Variants in LRP1B observed in about 807,000 individuals in gnomAD.
The protein encoded by LRP1B is low-density lipoprotein receptor-related protein 1B.
Under a neutral mutation model 556.6 loss-of-function variants are expected in LRP1B, and 217 were observed. The ratio of observed to expected loss-of-function variants is 0.39; its 90% CI spans 0.35 to 0.44. LRP1B has a LOEUF of 0.44. Ranked by LOEUF, LRP1B falls within the 20% of genes least tolerant of loss-of-function variation. The pLI is 1.00. For missense variants in LRP1B, 5,053 were observed against 5,620.8 expected, an observed-to-expected ratio of 0.90 and a Z score of 3.23; for synonymous variants, 2,047 against 1,865.8, an observed-to-expected ratio of 1.10 and a Z score of -2.50.
chr2:141,741,498 T>C (rs1442379069), intron 2 of LRP1B, among the ~76,000 whole-genome samples: 1 of 134,882 alleles, frequency 7.4e-6, no homozygotes, highest in Non-Finnish European at 1.6e-5. Context: ...GCATTTTAAC[T>C]GGTGAGATAT....
Position 140,561,305 on chromosome 2 carries a change from T to G in LRP1B, c.7195-19334A>C, listed in dbSNP as rs570833832. ...TCCTGCCCCATACCGACACACAGAA[T>G]CCAAAAAGAATCTGACCACACAGGC... On this transcript the variant is annotated intron_variant, in intron 43 of 90. Transcript: ENST00000389484. 7.7e-4 allele frequency among the ~76,000 whole-genome samples: 117 copies of G among 152,216 alleles called. 1 individual carries two copies. Among genetic ancestry groups the G allele is most frequent in the Middle Eastern group, 3.4e-3 (1 of 294 alleles).
At chr2:141,358,037 C>T (rs1052016596) in intron 3 of LRP1B, among the ~76,000 whole-genome samples, 2 of 152,156 alleles carry the variant, frequency 1.3e-5, no homozygotes, top group African/African-American at 4.8e-5. Flanking sequence ...GTGATTTCTC[C>T]TATTCAGAAT....
chr2:141,177,000 T>C (rs1286233493), intron 7 of LRP1B, among the ~76,000 whole-genome samples: 1 of 152,150 alleles, frequency 6.6e-6, no homozygotes, highest in African/African-American at 2.4e-5. Context: ...TGGCTATTTG[T>C]AAGACAGAGA....
At chr2:140,309,564 CA>C (rs1684208199) in intron 83 of LRP1B, among the ~76,000 whole-genome samples, 1 of 151,702 alleles carries the variant, frequency 6.6e-6, no homozygotes, top group African/African-American at 2.4e-5. Context: ...TATTCTCTCA[CA>C]GGTATCTTAT....
At chr2:140,802,967 C>T (rs1024890428) in intron 32 of LRP1B, among the ~76,000 whole-genome samples, 3 of 152,152 alleles carry the variant, frequency 2.0e-5, no homozygotes, top group African/African-American at 4.8e-5. Context: ...CTTACATTCA[C>T]GTGCTTACAA....
intron 41 of LRP1B, among the ~76,000 whole-genome samples, chr2:140,655,946 AAAAAC>A (rs1684866526): frequency 6.6e-6 from 1 of 152,130 alleles, no homozygotes; most frequent in Admixed American, 6.5e-5. Flanking sequence ...CCGTCTCAAA[AAAAAC>A]AAAAAAAGAA....
At chr2:140,854,060 T>TTAAAAAAAAAAA (rs1559157728) in intron 27 of LRP1B, among the ~76,000 whole-genome samples, 1 of 108,822 alleles carries the variant, frequency 9.2e-6, no homozygotes, top group Admixed American at 9.7e-5. Context: ...CATATCTGAA[T>TTAAAAAAAAAAA]AAAAAAAAAA....
At position 140,343,926 on chromosome 2, in the gene LRP1B, G is replaced by A. The variant is rs144236894; in HGVS notation, c.11892+6871C>T. ...AGTTGCCTGGTGATGGGAGAGAAGT[G>A]GGCAGGGTCTGGGGGAATAGATTAC... On this transcript the variant is annotated intron_variant, in intron 77 of 90. Transcript: ENST00000389484. 2.5e-3 allele frequency among the ~76,000 whole-genome samples: 372 copies of A among 151,716 alleles called. 2 individuals are homozygous for A. The highest frequency in any genetic ancestry group is 8.7e-3 in the African/African-American group (360 of 41,466).
At chr2:141,232,832 A>T (rs1182669277) in intron 5 of LRP1B, among the ~76,000 whole-genome samples, 1 of 147,664 alleles carries the variant, frequency 6.8e-6, no homozygotes, top group Non-Finnish European at 1.5e-5. Flanking sequence ...ACTGTGGTTT[A>T]CCTCTTTAGA....
At chr2:140,764,804 T>G (rs990129959) in intron 35 of LRP1B, among the ~76,000 whole-genome samples, 7 of 152,156 alleles carry the variant, frequency 4.6e-5, no homozygotes, top group African/African-American at 1.4e-4. Context: ...TATTAGCATC[T>G]ATCGTTAACA....
intron 66 of LRP1B, among the ~76,000 whole-genome samples, chr2:140,399,129 T>G (rs1288138473): frequency 6.9e-6 from 1 of 144,706 alleles, no homozygotes; most frequent in East Asian, 1.9e-4. Context: ...GATCTAAAAC[T>G]TAGTGCCTTA....
intron 7 of LRP1B, among the ~76,000 whole-genome samples, chr2:141,135,175 G>C (rs926560023): frequency 2.6e-5 from 4 of 151,694 alleles, no homozygotes; most frequent in Admixed American, 2.0e-4. Flanking sequence ...AATACTTTTA[G>C]TAAAAAATTC....
At chr2:140,728,194 C>T (rs992119885) in intron 35 of LRP1B, among the ~76,000 whole-genome samples, 2 of 151,932 alleles carry the variant, frequency 1.3e-5, no homozygotes, top group African/African-American at 4.8e-5. Flanking sequence ...GAACTCTTTC[C>T]TATCAAGGTA....
intron 15 of LRP1B, among the ~76,000 whole-genome samples, chr2:141,000,874 G>C (rs1409302706): frequency 1.3e-5 from 2 of 150,758 alleles, no homozygotes; most frequent in Non-Finnish European, 2.9e-5. Context: ...AGTCTACAAT[G>C]TTGATTTTTT....
At position 140,586,827 on chromosome 2, in the gene LRP1B, C is replaced by T. The variant is rs542502698; in HGVS notation, c.7194+11804G>A. 5 of 152,032 alleles carry T rather than the reference C, an allele frequency of 3.3e-5. No individual in the cohort carries two copies. In the South Asian group the frequency reaches 1.0e-3, roughly 32 times the overall value. The allele number at this position is 152,032 out of a possible 1,614,324, so 9.4% of individuals were successfully genotyped here. A position where few individuals can be genotyped will look rare whatever the true frequency, so the allele number is the denominator to read the frequency against. ...ACATGTTCAAGTTCAAACAAAATTA[C>T]TCATCATACCGAGAACTAGGAAGAT... On this transcript the variant is annotated intron_variant, in intron 43 of 90. Coordinates refer to ENST00000389484, the MANE Select transcript of LRP1B (RefSeq NM_018557.3).
chr2:140,382,354 T>C (rs1314549474), intron 67 of LRP1B, among the ~76,000 whole-genome samples: 1 of 152,194 alleles, frequency 6.6e-6, no homozygotes, highest in Non-Finnish European at 1.5e-5. Flanking sequence ...AATGTAAGGC[T>C]ATAAAGTAAT....
intron 41 of LRP1B, among the ~76,000 whole-genome samples, chr2:140,695,120 G>A (rs933859905): frequency 6.6e-6 from 1 of 151,206 alleles, no homozygotes; most frequent in African/African-American, 2.4e-5. Flanking sequence ...TCCATGTGTT[G>A]TGGAAATTGA....
chr2:141,340,272 A>T (rs1330886888), intron 3 of LRP1B, among the ~76,000 whole-genome samples: 1 of 152,204 alleles, frequency 6.6e-6, no homozygotes, highest in Non-Finnish European at 1.5e-5. Context: ...TTTTATTACA[A>T]GCCTCATGTG....
At chr2:141,714,811 A>G (rs1692514896) in intron 2 of LRP1B, among the ~76,000 whole-genome samples, 1 of 152,156 alleles carries the variant, frequency 6.6e-6, no homozygotes, top group African/African-American at 2.4e-5. Context: ...GCTTTTTTCT[A>G]AATCAGAATA....
Sources: gnomAD v4.1 joint callset for allele counts (sites outside exome capture counted in the v4.1 genomes callset) on GRCh38, gnomAD v4.1.1 for gene constraint, MANE v1.5 for transcripts, NCBI Gene and HGNC (gene_info 2026-07-23, HGNC 2026-07-21) for gene names.